BID: variants seen among roughly 807,000 people sequenced by gnomAD.
BID encodes BH3 interacting domain death agonist, also known as BH3-interacting domain death agonist.
A neutral mutation model predicts 17.4 loss-of-function variants in BID; 19 were observed. The ratio of observed to expected loss-of-function variants is 1.09; its 90% CI spans 0.76 to 1.60. BID has a LOEUF of 1.60. Ranked by LOEUF, BID falls within the 40% of genes most tolerant of loss-of-function variation. BID has a pLI of 0.00. For missense variants in BID, 226 were observed against 256.0 expected (o/e 0.88, Z 0.80); for synonymous variants, 108 against 102.8 (o/e 1.05, Z -0.31).
intron 2 of BID, among the ~76,000 whole-genome samples, chr22:17,749,367 G>A (rs1032663416): frequency 1.3e-5 from 2 of 152,140 alleles, no homozygotes; most frequent in African/African-American, 4.8e-5. Flanking sequence ...ATAAAGACGG[G>A]GTCTTACTAT....
At chr22:17,770,591 C>T (rs536065962) in intron 1 of BID, among the ~76,000 whole-genome samples, 22 of 152,244 alleles carry the variant, frequency 1.4e-4, no homozygotes, top group Non-Finnish European at 2.8e-4. Flanking sequence ...TGCAGAGGTG[C>T]CCCATAACAG....
chr22:17,745,050 T>C (rs1436344967), intron 2 of BID, among the ~76,000 whole-genome samples: 1 of 152,116 alleles, frequency 6.6e-6, no homozygotes, highest in Non-Finnish European at 1.5e-5. Context: ...AATTGTTTTT[T>C]TGTTTTTGTT....
chr22:17,763,228 C>T (rs2061653928), intron 1 of BID, among the ~76,000 whole-genome samples: 1 of 147,874 alleles, frequency 6.8e-6, no homozygotes. Flanking sequence ...TGTTTGTCTC[C>T]ATCATGTGTA....
In BID at chr22:17,750,301, G is replaced by T. The variant is rs577543562; in HGVS notation, c.-58-127C>A. The T allele has an allele frequency of 1.3e-4, 97 of 756,420 alleles. No homozygotes were observed. The African/African-American group carries it at 1.5e-3, about 12-fold the overall frequency. The allele number at this position is 756,420 out of a possible 1,614,324, so 46.9% of individuals were successfully genotyped here. ...GAGCCGAGGTCCTGGCCTGAGCCCC[G>T]CATCCTGAGTTTCTTTCTCCTTGGC... is the stretch of plus-strand genomic sequence containing the variant. On this transcript the variant is annotated intron_variant, in intron 1 of 5. Transcript: ENST00000622694.
Position 17,773,866 on chromosome 22 carries a change from A to C in BID, c.-59+515T>G. On this transcript the variant is annotated intron_variant, in intron 1 of 5. Transcript: ENST00000622694. This position sits in a 1 kb window ranked among gnomAD's most constrained non-coding sequence, Gnocchi z 4.4. The stretch of plus-strand genomic sequence containing the variant: ...TCTAAGGAGCGGGCGAGCCCCAGTA[A>C]GCGGCCGCTCTGACCGCGCTTTGTC... 1 of 667,144 alleles carries C rather than the reference A, an allele frequency of 1.5e-6. No individual in the cohort carries two copies. Among genetic ancestry groups the C allele is most frequent in the South Asian group, 1.9e-5 (1 of 53,766 alleles). 41.3% of individuals were successfully genotyped at this position (667,144 alleles called of 1,614,324 possible). A position where few individuals can be genotyped will look rare whatever the true frequency, so the allele number is the denominator to read the frequency against.
intron 1 of BID, among the ~76,000 whole-genome samples, chr22:17,756,659 T>A (rs2061593558): frequency 1.3e-5 from 2 of 151,424 alleles, no homozygotes; most frequent in Non-Finnish European, 2.9e-5. Context: ...CACTGCAACC[T>A]CCACCTCCTG....
chr22:17,763,476 T>A (rs1306711696), intron 1 of BID, among the ~76,000 whole-genome samples: 1 of 152,172 alleles, frequency 6.6e-6, no homozygotes, highest in African/African-American at 2.4e-5. Context: ...ACTTCTGACC[T>A]CAGGTGATCC....
intron 1 of BID, among the ~76,000 whole-genome samples, chr22:17,765,061 G>A (rs1019685244): frequency 1.3e-5 from 2 of 152,140 alleles, no homozygotes; most frequent in Admixed American, 1.3e-4. Context: ...AGGGGTGGGG[G>A]TAGAGAATTT....
chr22:17,773,005 A>T lies in BID; in HGVS notation c.-59+1376T>A, dbSNP rs2061732176. Among the ~76,000 whole-genome samples, 1 of 152,072 alleles carries T rather than the reference A, an allele frequency of 6.6e-6. No individual in the cohort carries two copies. The highest frequency in any genetic ancestry group is 2.1e-4 in the South Asian group (1 of 4,820). On this transcript the variant is annotated intron_variant, in intron 1 of 5. Transcript: ENST00000622694. This position sits in a 1 kb window ranked among gnomAD's most constrained non-coding sequence, Gnocchi z 4.4. ...GGCAGGTCTCTGCACCCCTCGTCTC[A>T]GTCACCACTCTCACATCTCATGAAC...
chr22:17,759,036 T>G (rs2061614642), intron 1 of BID, among the ~76,000 whole-genome samples: 1 of 151,788 alleles, frequency 6.6e-6, no homozygotes, highest in African/African-American at 2.4e-5. Flanking sequence ...ATCGAGACCA[T>G]CCTGGCCAAC....
chr22:17,768,558 A>G (rs2061694928), intron 1 of BID, among the ~76,000 whole-genome samples: 1 of 152,108 alleles, frequency 6.6e-6, no homozygotes. Context: ...CCCCTCCCTG[A>G]ACTCTCTGTA....
chr22:17,765,686 A>G (rs931624476), intron 1 of BID, among the ~76,000 whole-genome samples: 5 of 152,236 alleles, frequency 3.3e-5, no homozygotes, highest in African/African-American at 9.6e-5. Context: ...TAATGCTGAT[A>G]AACTGAAGAA....
rs985708898 is a variant in BID at position 17,757,328 on chromosome 22, G to A, written c.-58-7154C>T. 7.5e-4 allele frequency among the ~76,000 whole-genome samples: 113 copies of A among 149,872 alleles called. 2 individuals carry two copies. The highest frequency in any genetic ancestry group is 8.5e-4 in the South Asian group (4 of 4,704). On this transcript the variant is annotated intron_variant, in intron 1 of 5. Transcript: ENST00000622694. ...TACTGGGGAAGGATTGCTTGAGCCC[G>A]GGAGGTGGAGGTTACAGCGAGCTGA...
chr22:17,745,903 T>C (rs1011714346), intron 2 of BID, among the ~76,000 whole-genome samples: 3 of 151,484 alleles, frequency 2.0e-5, no homozygotes, highest in Admixed American at 6.6e-5. Flanking sequence ...GAGGTGGAGG[T>C]TGCAATGAGC....
At chr22:17,762,169 C>T (rs1217232580) in intron 1 of BID, among the ~76,000 whole-genome samples, 1 of 152,076 alleles carries the variant, frequency 6.6e-6, no homozygotes, top group Admixed American at 6.6e-5. Flanking sequence ...TGACGCAATG[C>T]TGTTCTTCTC....
intron 1 of BID, among the ~76,000 whole-genome samples, chr22:17,763,123 C>T (rs1487892378): frequency 3.9e-5 from 6 of 151,948 alleles, no homozygotes; most frequent in Non-Finnish European, 8.8e-5. Flanking sequence ...GCGATCCACC[C>T]GCCTCAGCCT....
At chr22:17,742,867 C>A (rs8190321) in intron 3 of BID, among the ~76,000 whole-genome samples, 2,052 of 152,376 alleles carry the variant, frequency 0.013, 36 homozygotes, top group African/African-American at 0.047. Context: ...AGCCTCCACT[C>A]GGGACAGCCC....
chr22:17,770,994 G>A (rs1401001029), intron 1 of BID, among the ~76,000 whole-genome samples: 3 of 152,188 alleles, frequency 2.0e-5, no homozygotes, highest in Non-Finnish European at 4.4e-5. Flanking sequence ...CAGCCACAGA[G>A]GCCACCCACG....
At position 17,743,793 on chromosome 22, in the gene BID, G is replaced by A. The variant is rs371839796; in HGVS notation, c.223+10C>T. ...CAGCTTTGGGGAAGGAGGTGGGGCC[G>A]GCCGCCTACCTGCCTCTATTCTTCC... is the stretch of plus-strand genomic sequence containing the variant. On this transcript the variant is annotated intron_variant, in intron 3 of 5. Coordinates refer to ENST00000622694, the MANE Select transcript of BID (RefSeq NM_001196.4). 359 of 1,605,148 alleles carry A rather than the reference G, an allele frequency of 2.2e-4. No homozygotes were observed. Among genetic ancestry groups the A allele is most frequent in the South Asian group, 5.6e-4 (51 of 90,488 alleles).
Sources: gnomAD v4.1 joint callset for allele counts (sites outside exome capture counted in the v4.1 genomes callset) on GRCh38, gnomAD v4.1.1 for gene constraint, Gnocchi (gnomAD v3.1) non-coding constraint, MANE v1.5 for transcripts, NCBI Gene and HGNC (gene_info 2026-07-23, HGNC 2026-07-21) for gene names.